Variants in RPL14 observed in about 807,000 individuals in gnomAD.
RPL14 encodes the protein large ribosomal subunit protein eL14.
RPL14 carries 4 observed loss-of-function variants against 25.3 expected under a neutral mutation model. The ratio of observed to expected loss-of-function variants is 0.16; its 90% CI spans 0.08 to 0.36. The LOEUF is 0.36. Ranked by LOEUF, RPL14 falls within the 10% of genes least tolerant of loss-of-function variation. The probability of loss-of-function intolerance (pLI) is 1.00; values close to 1 mark genes in which losing one functional copy is unlikely to be tolerated. For synonymous variants in RPL14, 75 were observed against 89.8 expected (o/e 0.84, Z 0.93); for missense variants, 212 against 261.9 (o/e 0.81, Z 1.31).
At chr3:40,458,292 T>C in intron 2 of RPL14, 1 of 525,220 alleles carries the variant, frequency 1.9e-6, no homozygotes. Flanking sequence ...AAAGCACTTT[T>C]GTATTTACTG....
At position 40,462,756 on chromosome 3, in the gene RPL14, G is replaced by T. The variant is rs1358762441; in HGVS notation, c.*524G>T. On this transcript the variant is annotated 3_prime_UTR_variant, in exon 6 of 6. Transcript: ENST00000396203. ...AATCATTGCAGTCATAATTGATCAT[G>T]TCATGAGAAATCATGATAACTTAGA... 1 of 152,426 alleles carries T rather than the reference G, an allele frequency of 6.6e-6. No homozygotes were observed. Among genetic ancestry groups the T allele is most frequent in the Non-Finnish European group, 1.5e-5 (1 of 68,250 alleles). 9.4% of individuals were successfully genotyped at this position (152,426 alleles called of 1,614,324 possible).
chr3:40,464,289 T>A lies in RPL14; in HGVS notation c.*2057T>A, dbSNP rs1210516129. 1 of 353,632 alleles carries A rather than the reference T, an allele frequency of 2.8e-6. No homozygotes were observed. The highest frequency in any genetic ancestry group is 5.6e-6 in the Non-Finnish European group (1 of 179,288). 21.9% of individuals were successfully genotyped at this position (353,632 alleles called of 1,614,324 possible). On this transcript the variant is annotated 3_prime_UTR_variant, in exon 6 of 6. Transcript: ENST00000396203. Reference sequence around the variant, plus strand: ...ATACATTTTAAATAAATTTGTTTCCTAACCAAAAGCTAGCTTCAGGCGTCA... The same window carrying A: ...ATACATTTTAAATAAATTTGTTTCCAAACCAAAAGCTAGCTTCAGGCGTCA...
chr3:40,458,547 G>C, intron 2 of RPL14, 95 bp from the exon 3 acceptor site: 1 of 885,998 alleles, frequency 1.1e-6, no homozygotes, highest in East Asian at 2.5e-5. Flanking sequence ...GTGTGGGTTT[G>C]ATGGCCCTGA....
In RPL14 at chr3:40,461,450, A is replaced by G; in HGVS notation, c.244A>G (p.Ile82Val). 1 of 1,614,212 alleles carries G rather than the reference A, an allele frequency of 6.2e-7. No individual in the cohort carries two copies. The highest frequency in any genetic ancestry group is 8.5e-7 in the Non-Finnish European group (1 of 1,180,034). ...CCGACAAGCCTGGCAGAAGGCAGAC[A>G]TCAATACAAAATGGGCAGCCACACG... The part of the protein sequence containing the change: ...YVRQAWQKAD[I>V]NTKWAATRWA... Residue 82 changes from isoleucine (I) to valine (V), a missense_variant, in exon 4 of 6, where the codon ATC becomes GTC. Coordinates refer to ENST00000396203, the MANE Select transcript of RPL14 (RefSeq NM_001034996.3).
rs1207564520 is a variant in RPL14 at position 40,463,715 on chromosome 3, C to T, written c.*1483C>T. The T allele has an allele frequency of 6.6e-6, 1 of 152,156 alleles. No individual in the cohort carries two copies. Among genetic ancestry groups the T allele is most frequent in the African/African-American group, 2.4e-5 (1 of 41,444 alleles). 9.4% of individuals were successfully genotyped at this position (152,156 alleles called of 1,614,324 possible). A position where few individuals can be genotyped will look rare whatever the true frequency, so the allele number is the denominator to read the frequency against. ...TGTCCCTGAGGAAGAAATAGTTAAC[C>T]TTCAGGGTACATGTATATGAAGCAT... On this transcript the variant is annotated 3_prime_UTR_variant, in exon 6 of 6. Coordinates refer to ENST00000396203, the MANE Select transcript of RPL14 (RefSeq NM_001034996.3).
At chr3:40,457,644 C>A (rs1017747911) in intron 1 of RPL14, 170 bp downstream of exon 1, 2 of 678,270 alleles carry the variant, frequency 2.9e-6, no homozygotes, top group Non-Finnish European at 5.0e-6. Flanking sequence ...GGCTCGTGGT[C>A]CGAGAGCCTT....
rs550715768 is a variant in RPL14 at position 40,458,722 on chromosome 3, C to T, written c.186C>T (p.Leu62=). Reference sequence around the variant, plus strand: ...GCATGCAGCTCACTGATTTCATCCTCAAGTTTCCGCACAGGTAACTGTCCA... The same window carrying T: ...GCATGCAGCTCACTGATTTCATCCTTAAGTTTCCGCACAGGTAACTGTCCA... ...FKCMQLTDFI[L]KFPHSAHQKY... The change falls in exon 3 of 6, where the codon CTC becomes CTT. Residue 62 remains leucine, a synonymous_variant. Coordinates refer to ENST00000396203, the MANE Select transcript of RPL14 (RefSeq NM_001034996.3). 2.5e-6 allele frequency: 4 copies of T among 1,613,866 alleles called. No homozygotes were observed. Among genetic ancestry groups the T allele is most frequent in the Non-Finnish European group, 3.4e-6 (4 of 1,179,842 alleles).
rs1050887579 is a variant in RPL14 at position 40,467,436 on chromosome 3, A to G, written c.*5204A>G. ...GCTTGATCAAGAATCAAGAGCATCAACAACCGAGGGCAGGAGAGGATGGGT... is the reference window on the plus strand; with the variant it reads ...GCTTGATCAAGAATCAAGAGCATCAGCAACCGAGGGCAGGAGAGGATGGGT... On this transcript the variant is annotated 3_prime_UTR_variant, in exon 6 of 6. Coordinates refer to ENST00000396203, the MANE Select transcript of RPL14 (RefSeq NM_001034996.3). 6.6e-6 allele frequency: 1 copy of G among 152,340 alleles called. No homozygotes were observed. Among genetic ancestry groups the G allele is most frequent in the African/African-American group, 2.4e-5 (1 of 41,458 alleles). 9.4% of individuals were successfully genotyped at this position (152,340 alleles called of 1,614,324 possible). A position where few individuals can be genotyped will look rare whatever the true frequency, so the allele number is the denominator to read the frequency against.
rs1237092356 is a variant in RPL14, at chr3:40,468,418, C to CT, written c.*6189dup. The stretch of plus-strand genomic sequence containing the variant: ...CCAGTGTGTGAAAAGTAGTATCTTA[C>CT]TTTAACTTGTATTTTCCTGGTCCAA... On this transcript the variant is annotated 3_prime_UTR_variant, in exon 6 of 6. Coordinates refer to ENST00000396203, the MANE Select transcript of RPL14 (RefSeq NM_001034996.3). 1 of 152,166 alleles carries CT rather than the reference C, an allele frequency of 6.6e-6. No homozygotes were observed. Among genetic ancestry groups the CT allele is most frequent in the Non-Finnish European group, 1.5e-5 (1 of 68,030 alleles). The allele number at this position is 152,166 out of a possible 1,614,324, so 9.4% of individuals were successfully genotyped here. A position where few individuals can be genotyped will look rare whatever the true frequency, so the allele number is the denominator to read the frequency against.
chr3:40,461,594 T>G lies in RPL14; in HGVS notation c.301-14T>G, dbSNP rs200724512. The G allele has an allele frequency of 6.0e-4, 965 of 1,598,814 alleles. 4 individuals carry two copies. The highest frequency in any genetic ancestry group is 7.8e-4 in the Non-Finnish European group (912 of 1,174,596). ...GAGAGGGATAATTTTTATTTGTTGT[T>G]TTTTTTTTAACAGAAAGCCAAGATG... On this transcript the variant is annotated splice_polypyrimidine_tract_variant and intron_variant, in intron 4 of 5. Coordinates refer to ENST00000396203, the MANE Select transcript of RPL14 (RefSeq NM_001034996.3).
rs563590006 is a variant in RPL14, at chr3:40,464,602, T to A, written c.*2370T>A. 143 of 439,518 alleles carry A rather than the reference T, an allele frequency of 3.3e-4. 1 individual carries two copies. Among genetic ancestry groups the A allele is most frequent in the Middle Eastern group, 3.1e-3 (9 of 2,946 alleles). 27.2% of individuals were successfully genotyped at this position (439,518 alleles called of 1,614,324 possible). A position where few individuals can be genotyped will look rare whatever the true frequency, so the allele number is the denominator to read the frequency against. ...GGGGAACACGGGAAGCTACTGAGGG[T>A]TTTTTAAAATGGCGTGATATCTCAG... is the stretch of plus-strand genomic sequence containing the variant. On this transcript the variant is annotated 3_prime_UTR_variant, in exon 6 of 6. Transcript: ENST00000396203.
intron 2 of RPL14, chr3:40,458,198 A>G (rs1696874937): frequency 1.7e-6 from 1 of 595,096 alleles, no homozygotes; most frequent in Admixed American, 3.0e-5. Context: ...CACTTAAGCT[A>G]GAGCCAGTTA....
rs191852336 is a variant in RPL14 at position 40,465,815 on chromosome 3, T to C, written c.*3583T>C. On this transcript the variant is annotated 3_prime_UTR_variant, in exon 6 of 6. Coordinates refer to ENST00000396203, the MANE Select transcript of RPL14 (RefSeq NM_001034996.3). ...ACAGTGGAAATTGGAAATTCCAATC[T>C]TGGAATCTCTAGGAAAGTAACTGAG... is the stretch of plus-strand genomic sequence containing the variant. 2 of 152,276 alleles carry C rather than the reference T, an allele frequency of 1.3e-5. No homozygotes were observed. The highest frequency in any genetic ancestry group is 1.3e-4 in the Admixed American group (2 of 15,290). 9.4% of individuals were successfully genotyped at this position (152,276 alleles called of 1,614,324 possible).
rs550744732 is a variant in RPL14, at chr3:40,464,571, C to T, written c.*2339C>T. ...CAAGGAAGTAGGTTAGTGGTTAGAT[C>T]GTGTAGGGGAACACGGGAAGCTACT... On this transcript the variant is annotated 3_prime_UTR_variant, in exon 6 of 6. Transcript: ENST00000396203. 35 of 451,602 alleles carry T rather than the reference C, an allele frequency of 7.8e-5. No individual in the cohort carries two copies. The East Asian group carries it at 1.1e-3, about 14-fold the overall frequency. The allele number at this position is 451,602 out of a possible 1,614,324, so 28.0% of individuals were successfully genotyped here.
chr3:40,458,615 C>G (rs1443769063), intron 2 of RPL14, 27 bp from the exon 3 acceptor site: 1 of 1,594,222 alleles, frequency 6.3e-7, no homozygotes. Context: ...AGATTTTGCA[C>G]TGAAGTTCTT....
chr3:40,463,897 A>G lies in RPL14; in HGVS notation c.*1665A>G, dbSNP rs1696988811. 6.5e-6 allele frequency: 1 copy of G among 153,500 alleles called. No homozygotes were observed. Among genetic ancestry groups the G allele is most frequent in the Non-Finnish European group, 1.4e-5 (1 of 68,998 alleles). 9.5% of individuals were successfully genotyped at this position (153,500 alleles called of 1,614,324 possible). ...GACTTCTGTTTCTCTCTACCACAAG[A>G]TACAGGTAATTTGGGGCAGTAAAAG... is the stretch of plus-strand genomic sequence containing the variant. On this transcript the variant is annotated 3_prime_UTR_variant, in exon 6 of 6. Coordinates refer to ENST00000396203, the MANE Select transcript of RPL14 (RefSeq NM_001034996.3).
At position 40,464,558 on chromosome 3, in the gene RPL14, T is replaced by A. The variant is rs1334758074; in HGVS notation, c.*2326T>A. The A allele has an allele frequency of 2.2e-6, 1 of 455,138 alleles. No individual in the cohort carries two copies. Among genetic ancestry groups the A allele is most frequent in the Non-Finnish European group, 4.4e-6 (1 of 226,502 alleles). The allele number at this position is 455,138 out of a possible 1,614,324, so 28.2% of individuals were successfully genotyped here. On this transcript the variant is annotated 3_prime_UTR_variant, in exon 6 of 6. Transcript: ENST00000396203. The stretch of plus-strand genomic sequence containing the variant: ...CTCGGGACCACATCAAGGAAGTAGG[T>A]TAGTGGTTAGATCGTGTAGGGGAAC...
Position 40,464,496 on chromosome 3 carries a change from GAT to G in RPL14, c.*2266_*2267del, listed in dbSNP as rs1427072580. ...TGGTGTAAGGGGAAGAATGACACGA[GAT>G]AGGAAATAAACGAACTGATAGTGTA... On this transcript the variant is annotated 3_prime_UTR_variant, in exon 6 of 6. Coordinates refer to ENST00000396203, the MANE Select transcript of RPL14 (RefSeq NM_001034996.3). The G allele has an allele frequency of 6.6e-6, 3 of 455,956 alleles. No individual in the cohort carries two copies. Among genetic ancestry groups the G allele is most frequent in the Non-Finnish European group, 8.8e-6 (2 of 226,810 alleles). The allele number at this position is 455,956 out of a possible 1,614,324, so 28.2% of individuals were successfully genotyped here.
In RPL14 at chr3:40,458,758, C is replaced by T. The variant is rs201653782; in HGVS notation, c.200+22C>T. 2.1e-5 allele frequency: 33 copies of T among 1,588,402 alleles called. No individual in the cohort carries two copies. The Admixed American group carries it at 4.3e-4, about 21-fold the overall frequency. On this transcript the variant is annotated intron_variant, in intron 3 of 5. Coordinates refer to ENST00000396203, the MANE Select transcript of RPL14 (RefSeq NM_001034996.3). ...ACAGGTAACTGTCCACTAATCACTCCTCCCTCCCATCCCCAGATTTGTTTA... is the reference window on the plus strand; with the variant it reads ...ACAGGTAACTGTCCACTAATCACTCTTCCCTCCCATCCCCAGATTTGTTTA...
Sources: allele counts gnomAD v4.1 joint callset, GRCh38; gene constraint gnomAD v4.1.1; transcripts MANE v1.5; gene names NCBI Gene and HGNC (gene_info 2026-07-23, HGNC 2026-07-21).